Variants in C6 observed in about 807,000 individuals in gnomAD.
The protein encoded by C6 is complement component C6.
In C6, 101 loss-of-function variants were observed where a neutral mutation model predicts 112.9. The observed-to-expected ratio is 0.89, with a 90% CI of 0.76 to 1.06. C6 has a LOEUF of 1.06. Among genes scored for constraint, C6 ranks in the 50% least tolerant of loss-of-function variants. The pLI is 0.00. For synonymous variants in C6, 431 were observed against 384.1 expected, an observed-to-expected ratio of 1.12 and a Z score of -1.43; for missense variants, 1,202 against 1,104.6, an observed-to-expected ratio of 1.09 and a Z score of -1.25.
intron 1 of C6, among the ~76,000 whole-genome samples, chr5:41,225,711 A>G (rs1443525427): frequency 3.3e-5 from 5 of 152,178 alleles, no homozygotes; most frequent in African/African-American, 1.2e-4. Flanking sequence ...CTGTTTCTCC[A>G]CATCCTCTCC....
upstream of C6, chr5:41,213,606 A>C (rs944982227): frequency 1.0e-6 from 1 of 959,384 alleles, no homozygotes; most frequent in Non-Finnish European, 1.2e-6. Context: ...ACCAATCAGT[A>C]GTAACCCTGA....
intron 3 of C6, 54 bp from the exon 4 acceptor site, chr5:41,199,966 G>C: frequency 6.3e-7 from 1 of 1,578,264 alleles, no homozygotes; most frequent in Non-Finnish European, 8.7e-7. Context: ...AGGTCAAAAT[G>C]TACCTAAGAA....
intron 13 of C6, among the ~76,000 whole-genome samples, chr5:41,155,396 C>T (rs1345667403): frequency 6.6e-6 from 1 of 152,028 alleles, no homozygotes; most frequent in Admixed American, 6.6e-5. Context: ...AACTTGAAAA[C>T]TTGCTCCCCT....
intron 1 of C6, among the ~76,000 whole-genome samples, chr5:41,234,616 C>T (rs896498923): frequency 6.6e-6 from 1 of 152,074 alleles, no homozygotes; most frequent in South Asian, 2.1e-4. Flanking sequence ...TAAATGATTA[C>T]TAATGACTAA....
chr5:41,183,638 C>T (rs2086210447), intron 6 of C6, among the ~76,000 whole-genome samples: 1 of 152,094 alleles, frequency 6.6e-6, no homozygotes, highest in Admixed American at 6.6e-5. Flanking sequence ...GGGTACATAT[C>T]CAAAAGAAAA....
At chr5:41,169,669 C>A (rs548236314) in intron 9 of C6, among the ~76,000 whole-genome samples, 17 of 152,080 alleles carry the variant, frequency 1.1e-4, no homozygotes, top group Non-Finnish European at 1.6e-4. Flanking sequence ...GGAGTCACGT[C>A]CTACATGACT....
chr5:41,154,972 G>T lies in C6; in HGVS notation c.2101C>A (p.Arg701=), dbSNP rs199930769. The part of the protein sequence containing the change: ...TWRQGDVECQ[R]TECIKPVVQE... Reference sequence around the variant, plus strand: ...GCAAAATTGTTTGCCCAGTTCTCACGTTGGCATTCCACATCCCCTTGTCTC... The same window carrying T: ...GCAAAATTGTTTGCCCAGTTCTCACTTTGGCATTCCACATCCCCTTGTCTC... The change falls in exon 14 of 18, where the codon CGG becomes AGG. Residue 701 remains arginine, a splice_region_variant and synonymous_variant. Transcript: ENST00000337836. 9.3e-6 allele frequency: 15 copies of T among 1,613,500 alleles called. No individual in the cohort carries two copies. The South Asian group carries it at 9.9e-5, about 11-fold the overall frequency.
chr5:41,149,425 T>A lies in C6; in HGVS notation c.2439A>T (p.Ser813=), dbSNP rs753941815. Residue 813 remains serine, a synonymous_variant, in exon 17 of 18, where the codon TCA becomes TCT. Coordinates refer to ENST00000337836, the MANE Select transcript of C6 (RefSeq NM_000065.5). ...FDTDSNDYFT[S]PACKFLAEKC... ...TCTCAGCCAAAAACTTACAAGCGGG[T>A]GAAGTAAAGTAATCGTTGGAGTCTG... 6.2e-7 allele frequency: 1 copy of A among 1,613,914 alleles called. No homozygotes were observed. The highest frequency in any genetic ancestry group is 8.5e-7 in the Non-Finnish European group (1 of 1,179,922).
In C6 at chr5:41,153,821, G is replaced by A; in HGVS notation, c.2279C>T (p.Thr760Ile). 1 of 1,612,648 alleles carries A rather than the reference G, an allele frequency of 6.2e-7. No homozygotes were observed. The highest frequency in any genetic ancestry group is 8.5e-7 in the Non-Finnish European group (1 of 1,179,388). ...GAGCTGCTACTCACCTTTTTCACAG[G>A]TGAGAGAGTTTGAAATGGGTGGTGT... ...SWTPPISNSL[T>I]CEKDTLTKLK... is the part of the protein sequence containing the mutation. Residue 760 changes from threonine to isoleucine, a missense_variant, in exon 15 of 18, where the codon ACC becomes ATC. Physicochemically the swap from Thr to Ile is moderately conservative, Grantham distance 89. Transcript: ENST00000337836.
Position 41,181,433 on chromosome 5 carries a change from A to G in C6, c.853T>C (p.Tyr285His). ...GGSSFSVPIF[Y>H]SSKRSENINH... ...ATATTTTCACTTCTCTTTGAGGAATAAAAAATTGGTACACTGAAAGAGCTC... is the reference window on the plus strand; with the variant it reads ...ATATTTTCACTTCTCTTTGAGGAATGAAAAATTGGTACACTGAAAGAGCTC... Residue 285 changes from tyrosine (Y) to histidine (H), a missense_variant, in exon 7 of 18, where the codon TAT becomes CAT. Tyr to His is a moderately conservative substitution (Grantham distance 83, BLOSUM62 2). Coordinates refer to ENST00000337836, the MANE Select transcript of C6 (RefSeq NM_000065.5). 1 of 1,613,794 alleles carries G rather than the reference A, an allele frequency of 6.2e-7. No homozygotes were observed. Among genetic ancestry groups the G allele is most frequent in the South Asian group, 1.1e-5 (1 of 91,078 alleles).
chr5:41,257,501 G>A (rs781541843), intron 1 of C6, among the ~76,000 whole-genome samples: 1 of 151,874 alleles, frequency 6.6e-6, no homozygotes, highest in Non-Finnish European at 1.5e-5. Flanking sequence ...GTATCTTTCT[G>A]GTAGAATGAC....
Position 41,234,443 on chromosome 5 carries a change from A to G in C6, c.-21+26751T>C, listed in dbSNP as rs139464441. 2.3e-4 allele frequency among the ~76,000 whole-genome samples: 34 copies of G among 150,352 alleles called. No homozygotes were observed. The East Asian group carries it at 2.3e-3, about 10-fold the overall frequency. On this transcript the variant is annotated intron_variant, in intron 1 of 17. Coordinates refer to the C6 transcript ENST00000263413. ...TGCCAGATAATTTGGCAATAAATAT[A>G]TTTCCCACATGCTTGGTCTTGTAAA...
chr5:41,183,944 T>C (rs1749557293), intron 6 of C6, among the ~76,000 whole-genome samples: 1 of 137,900 alleles, frequency 7.3e-6, no homozygotes, highest in Non-Finnish European at 1.6e-5. Context: ...CTCATGGACA[T>C]AAAGATGGCA....
chr5:41,166,377 C>CT (rs141642956), intron 9 of C6, among the ~76,000 whole-genome samples: 1,703 of 152,236 alleles, frequency 0.011, 32 homozygotes, highest in African/African-American at 0.039. Context: ...CTCTATGCCT[C>CT]TGTGTCCTCA....
In C6 at chr5:41,261,078, C is replaced by T. The variant is rs187038526; in HGVS notation, c.-21+116G>A. The T allele has an allele frequency of 8.3e-3, 3,672 of 442,598 alleles. 21 individuals carry two copies. Among genetic ancestry groups the T allele is most frequent in the South Asian group, 9.7e-3 (101 of 10,438 alleles). 27.4% of individuals were successfully genotyped at this position (442,598 alleles called of 1,614,324 possible). ...CAAAACCATATTCTATAAAACTGAA[C>T]TACTGCCTTTGTAAACTTTCATCTG... On this transcript the variant is annotated intron_variant, in intron 1 of 17. Coordinates refer to the C6 transcript ENST00000263413.
rs1752063251 is a variant in C6 at position 41,213,381 on chromosome 5, A to G, written c.-26T>C. The G allele has an allele frequency of 1.0e-6, 1 of 983,266 alleles. No homozygotes were observed. The highest frequency in any genetic ancestry group is 1.1e-4 in the East Asian group (1 of 8,802). 60.9% of individuals were successfully genotyped at this position (983,266 alleles called of 1,614,324 possible). A position where few individuals can be genotyped will look rare whatever the true frequency, so the allele number is the denominator to read the frequency against. ...GAAATCATCATATTACTCACCTTTAAGCAGAGTTTGTGGTGTCCTCGGACC... is the reference window on the plus strand; with the variant it reads ...GAAATCATCATATTACTCACCTTTAGGCAGAGTTTGTGGTGTCCTCGGACC... On this transcript the variant is annotated 5_prime_UTR_variant, in exon 1 of 18. Transcript: ENST00000337836.
intron 1 of C6, among the ~76,000 whole-genome samples, chr5:41,251,481 G>A (rs750394265): frequency 6.6e-6 from 1 of 152,080 alleles, no homozygotes; most frequent in Non-Finnish European, 1.5e-5. Flanking sequence ...TGATCTTGTT[G>A]CCACCAACCC....
intron 4 of C6, among the ~76,000 whole-genome samples, chr5:41,197,526 T>A (rs2150357881): frequency 6.6e-6 from 1 of 152,290 alleles, no homozygotes; most frequent in Admixed American, 6.5e-5. Flanking sequence ...CAAAGGTTTA[T>A]TTTTGATATG....
chr5:41,187,899 T>G (rs2150338353), intron 5 of C6, among the ~76,000 whole-genome samples: 1 of 152,276 alleles, frequency 6.6e-6, no homozygotes, highest in South Asian at 2.1e-4. Flanking sequence ...TTAATTTTAT[T>G]AAAAGGTTGC....
Sources: allele counts gnomAD v4.1 joint callset (sites outside exome capture counted in the v4.1 genomes callset), GRCh38; gene constraint gnomAD v4.1.1; transcripts MANE v1.5; gene names NCBI Gene and HGNC (gene_info 2026-07-23, HGNC 2026-07-21).